Variants in CTNNA2 observed in about 807,000 individuals in gnomAD.
CTNNA2 encodes the protein catenin alpha-2.
A neutral mutation model predicts 101.0 loss-of-function variants in CTNNA2; 42 were observed. The ratio of observed to expected loss-of-function variants is 0.42; its 90% CI spans 0.32 to 0.54. The LOEUF (loss-of-function observed/expected upper bound fraction) is 0.54. CTNNA2 is among the 20% of genes least tolerant of loss of function. The probability of loss-of-function intolerance (pLI) is 0.14; values close to 1 mark genes in which losing one functional copy is unlikely to be tolerated. For missense variants in CTNNA2, 871 were observed against 1,223.1 expected, an observed-to-expected ratio of 0.71 and a Z score of 4.29; for synonymous variants, 450 against 456.4, an observed-to-expected ratio of 0.99 and a Z score of 0.18.
chr2:80,645,402 T>C (rs944929943), intron 18 of CTNNA2, among the ~76,000 whole-genome samples: 6 of 152,174 alleles, frequency 3.9e-5, no homozygotes, highest in African/African-American at 7.2e-5. Context: ...TCATGTGAGA[T>C]AACTGGCTAT....
intron 7 of CTNNA2, among the ~76,000 whole-genome samples, chr2:80,003,492 G>C (rs1693109221): frequency 6.6e-6 from 1 of 152,048 alleles, no homozygotes; most frequent in Non-Finnish European, 1.5e-5. Context: ...CTACACAATG[G>C]GCACTGTGCC....
intron 7 of CTNNA2, among the ~76,000 whole-genome samples, chr2:80,246,980 T>C (rs535813605): frequency 6.6e-6 from 1 of 152,306 alleles, no homozygotes; most frequent in East Asian, 1.9e-4. Context: ...ATGGGAAATA[T>C]TTCACTGAAT....
chr2:79,251,910 C>T (rs768174952), intron 2 of CTNNA2, among the ~76,000 whole-genome samples: 8 of 152,088 alleles, frequency 5.3e-5, no homozygotes, highest in African/African-American at 1.4e-4. Flanking sequence ...TATACTAAAC[C>T]GCCACTGATT....
At chr2:79,393,843 G>A (rs144857228) in intron 4 of CTNNA2, among the ~76,000 whole-genome samples, 1 of 152,022 alleles carries the variant, frequency 6.6e-6, no homozygotes, top group Non-Finnish European at 1.5e-5. Flanking sequence ...CTGCAGGATC[G>A]GCTTCAATTC....
At chr2:80,102,294 A>G (rs1700593546) in intron 7 of CTNNA2, among the ~76,000 whole-genome samples, 1 of 152,144 alleles carries the variant, frequency 6.6e-6, no homozygotes, top group Non-Finnish European at 1.5e-5. Flanking sequence ...AGCCTCCAGA[A>G]GGAGAATCCT....
chr2:79,227,899 C>T (rs1029823328), intron 2 of CTNNA2, among the ~76,000 whole-genome samples: 1 of 152,156 alleles, frequency 6.6e-6, no homozygotes, highest in Non-Finnish European at 1.5e-5. Context: ...TTCTTCAACC[C>T]ACGGCCCTCC....
intron 2 of CTNNA2, among the ~76,000 whole-genome samples, chr2:79,684,135 C>G (rs1683772116): frequency 6.6e-6 from 1 of 152,196 alleles, no homozygotes; most frequent in South Asian, 2.1e-4. Context: ...CTTATTGCAC[C>G]TGTGGCTGTG....
chr2:79,899,902 T>C (rs1459382336), intron 6 of CTNNA2, among the ~76,000 whole-genome samples: 1 of 152,174 alleles, frequency 6.6e-6, no homozygotes, highest in East Asian at 1.9e-4. Context: ...AAACTTTTCA[T>C]GTAAAGATAG....
At chr2:79,564,360 T>G (rs917105398) in intron 1 of CTNNA2, among the ~76,000 whole-genome samples, 1 of 151,952 alleles carries the variant, frequency 6.6e-6, no homozygotes, top group African/African-American at 2.4e-5. Flanking sequence ...CTGTGCTATT[T>G]AATATTCCAT....
intron 8 of CTNNA2, among the ~76,000 whole-genome samples, chr2:80,399,268 A>C (rs1678337412): frequency 6.6e-6 from 1 of 152,112 alleles, no homozygotes; most frequent in Admixed American, 6.5e-5. Flanking sequence ...TTTACTTATC[A>C]CCTGGAAAAT....
At position 79,232,927 on chromosome 2, in the gene CTNNA2, T is replaced by C. The variant is rs565495871; in HGVS notation, c.-406+34851T>C. ...TGATTGCACTTATTTGGATCTTTTT[T>C]TCATCTTCTTAATTGTTAATTCAGC... On this transcript the variant is annotated intron_variant, in intron 2 of 21. Transcript: ENST00000466387. Among the ~76,000 whole-genome samples the C allele has an allele frequency of 1.7e-3, 265 of 152,316 alleles. 1 individual carries two copies. Among genetic ancestry groups the C allele is most frequent in the African/African-American group, 5.8e-3 (240 of 41,584 alleles).
At chr2:80,073,228 A>T (rs73940932) in intron 7 of CTNNA2, among the ~76,000 whole-genome samples, 4,500 of 152,254 alleles carry the variant, frequency 0.03, 202 homozygotes, top group African/African-American at 0.1. Context: ...CAAAGAAAAA[A>T]ATATGACCAC....
chr2:79,462,683 A>G (rs1670892493), intron 4 of CTNNA2, among the ~76,000 whole-genome samples: 1 of 152,184 alleles, frequency 6.6e-6, no homozygotes, highest in Admixed American at 6.5e-5. Flanking sequence ...TGTGTGGTTG[A>G]ATGATTTAAA....
At chr2:79,366,384 G>T (rs1677751349) in intron 3 of CTNNA2, among the ~76,000 whole-genome samples, 1 of 152,214 alleles carries the variant, frequency 6.6e-6, no homozygotes, top group African/African-American at 2.4e-5. Context: ...TAGGAACAAT[G>T]ACCTATTTTT....
chr2:79,620,121 C>T (rs1410675207), intron 1 of CTNNA2, among the ~76,000 whole-genome samples: 4 of 152,158 alleles, frequency 2.6e-5, no homozygotes, highest in Non-Finnish European at 5.9e-5. Flanking sequence ...TGCATAAAAT[C>T]TATTTATGTC....
At chr2:80,428,498 G>T (rs1237356510) in intron 9 of CTNNA2, among the ~76,000 whole-genome samples, 1 of 152,166 alleles carries the variant, frequency 6.6e-6, no homozygotes, top group Non-Finnish European at 1.5e-5. Flanking sequence ...GATATTGGAT[G>T]TTGGGATGTG....
intron 1 of CTNNA2, among the ~76,000 whole-genome samples, chr2:79,566,501 A>G (rs1174675323): frequency 1.3e-5 from 2 of 152,144 alleles, no homozygotes; most frequent in Non-Finnish European, 1.5e-5. Flanking sequence ...GGGAAGTCAA[A>G]TCTATTGCAT....
intron 7 of CTNNA2, among the ~76,000 whole-genome samples, chr2:80,344,050 C>G (rs902497024): frequency 3.3e-5 from 5 of 152,164 alleles, no homozygotes; most frequent in African/African-American, 2.4e-5. Context: ...CACCTGCACT[C>G]TGCCCCAACC....
chr2:80,297,478 C>G (rs1344343204), intron 7 of CTNNA2, among the ~76,000 whole-genome samples: 1 of 152,136 alleles, frequency 6.6e-6, no homozygotes, highest in Non-Finnish European at 1.5e-5. Flanking sequence ...ATTTCTCCAT[C>G]TCATTTATAT....
Sources: gnomAD v4.1 joint callset for allele counts (sites outside exome capture counted in the v4.1 genomes callset) on GRCh38, gnomAD v4.1.1 for gene constraint, MANE v1.5 for transcripts, NCBI Gene and HGNC (gene_info 2026-07-23, HGNC 2026-07-21) for gene names.